FAM76A: variants seen among roughly 807,000 people sequenced by gnomAD.
FAM76A encodes protein FAM76A.
Under a neutral mutation model 46.2 loss-of-function variants are expected in FAM76A, and 32 were observed. That is an observed-to-expected ratio of 0.69 (90% CI 0.52 to 0.93). The LOEUF (loss-of-function observed/expected upper bound fraction) is 0.93, where lower values mean the gene tolerates loss of function less well. FAM76A is among the 40% of genes least tolerant of loss of function. The pLI, the probability that FAM76A is intolerant of heterozygous loss-of-function variation, is 0.00. For synonymous variants in FAM76A, 137 were observed against 127.0 expected (o/e 1.08, Z -0.53); for missense variants, 274 against 361.5 (o/e 0.76, Z 1.96).
At chr1:27,752,534 C>T (rs1294516552) in intron 6 of FAM76A, among the ~76,000 whole-genome samples, 1 of 152,200 alleles carries the variant, frequency 6.6e-6, no homozygotes, top group Non-Finnish European at 1.5e-5. Flanking sequence ...TGGTGGCACT[C>T]AGGCACAGCT....
At chr1:27,754,167 C>T (rs147570624) in intron 6 of FAM76A, among the ~76,000 whole-genome samples, 1,846 of 135,970 alleles carry the variant, frequency 0.014, 42 homozygotes, top group African/African-American at 0.049. Context: ...AGTGCAATGG[C>T]GCAATCTTGG....
chr1:27,762,730 G>C lies in FAM76A; in HGVS notation c.*2149G>C, dbSNP rs1410227885. 6.6e-6 allele frequency: 1 copy of C among 151,594 alleles called. No individual in the cohort carries two copies. Among genetic ancestry groups the C allele is most frequent in the African/African-American group, 2.4e-5 (1 of 41,304 alleles). 9.4% of individuals were successfully genotyped at this position (151,594 alleles called of 1,614,324 possible). On this transcript the variant is annotated 3_prime_UTR_variant, in exon 9 of 9. Coordinates refer to ENST00000373954, the MANE Select transcript of FAM76A (RefSeq NM_152660.3). ...TTTCAGATGCATTTGCATTGACTATGGGAGAAAAATTAGGGGGAAATGACA... is the reference window on the plus strand; with the variant it reads ...TTTCAGATGCATTTGCATTGACTATCGGAGAAAAATTAGGGGGAAATGACA...
In FAM76A at chr1:27,725,984, A is replaced by C. The variant is rs1571459328; in HGVS notation, c.-97A>C. On this transcript the variant is annotated 5_prime_UTR_variant, in exon 1 of 9. Coordinates refer to ENST00000373954, the MANE Select transcript of FAM76A (RefSeq NM_152660.3). ...CCGCCTGCGCCCGCCCGCCTGCCGC[A>C]GCCAGCAGCCTGCAGCCGCCGCCGG... The C allele has an allele frequency of 1.0e-6, 1 of 995,768 alleles. No homozygotes were observed. 61.7% of individuals were successfully genotyped at this position (995,768 alleles called of 1,614,324 possible). A position where few individuals can be genotyped will look rare whatever the true frequency, so the allele number is the denominator to read the frequency against.
At chr1:27,734,693 GA>G (rs763680065) in intron 4 of FAM76A, among the ~76,000 whole-genome samples, 25 of 152,190 alleles carry the variant, frequency 1.6e-4, no homozygotes, top group Non-Finnish European at 3.5e-4. Flanking sequence ...CATTTCACGA[GA>G]ATTGAATTAC....
Position 27,734,161 on chromosome 1 carries a change from A to G in FAM76A, c.332A>G (p.Asp111Gly). ...CEQCKQQCAFDRKDDRKKVDG... is the reference protein window; with the variant it reads ...CEQCKQQCAFGRKDDRKKVDG... ...CAGTGCAAGCAGCAGTGTGCATTTG[A>G]CAGGAAAGATGATAGAAAGAAGGTA... Residue 111 changes from aspartate (D) to glycine (G), a missense_variant, in exon 4 of 9, where the codon GAC (aspartate) becomes GGC (glycine). Physicochemically the swap from Asp to Gly is moderately conservative, Grantham distance 94. Transcript: ENST00000373954. The G allele has an allele frequency of 6.3e-7, 1 of 1,580,608 alleles. No individual in the cohort carries two copies.
In FAM76A at chr1:27,725,965, G is replaced by A. The variant is rs1172195841; in HGVS notation, c.-116G>A. ...CGCCCGGGTCCGCCCCGACCCGCCT[G>A]CGCCCGCCCGCCTGCCGCAGCCAGC... On this transcript the variant is annotated 5_prime_UTR_variant, in exon 1 of 9. Coordinates refer to ENST00000373954, the MANE Select transcript of FAM76A (RefSeq NM_152660.3). 5.3e-6 allele frequency: 4 copies of A among 756,572 alleles called. No homozygotes were observed. Among genetic ancestry groups the A allele is most frequent in the Non-Finnish European group, 7.1e-6 (4 of 562,510 alleles). 46.9% of individuals were successfully genotyped at this position (756,572 alleles called of 1,614,324 possible).
chr1:27,744,518 C>T, intron 4 of FAM76A, 136 bp from the exon 5 acceptor site: 2 of 805,974 alleles, frequency 2.5e-6, no homozygotes. Flanking sequence ...TGTAGCAGCC[C>T]CCTGTGACAT....
At chr1:27,733,139 T>TC (rs2087987699) in intron 3 of FAM76A, among the ~76,000 whole-genome samples, 2 of 151,726 alleles carry the variant, frequency 1.3e-5, no homozygotes, top group African/African-American at 4.8e-5. Flanking sequence ...ACCATGTTGG[T>TC]CAGGCTGGTC....
intron 5 of FAM76A, among the ~76,000 whole-genome samples, chr1:27,746,819 G>C (rs892668835): frequency 6.6e-6 from 1 of 152,110 alleles, no homozygotes; most frequent in African/African-American, 2.4e-5. Flanking sequence ...GCTTACACCC[G>C]TAAACCCAAC....
chr1:27,738,840 G>A (rs142726246), intron 4 of FAM76A, among the ~76,000 whole-genome samples: 68 of 152,298 alleles, frequency 4.5e-4, no homozygotes, highest in African/African-American at 1.5e-3. Context: ...CTCTGAGGAA[G>A]TAACATTTGA....
chr1:27,738,963 A>G (rs1400355095), intron 4 of FAM76A: 2 of 158,646 alleles, frequency 1.3e-5, no homozygotes, highest in Admixed American at 1.3e-4. Flanking sequence ...AGCTTGGCAC[A>G]TGATTAGAAC....
At chr1:27,738,541 C>T (rs1215358329) in intron 4 of FAM76A, among the ~76,000 whole-genome samples, 1 of 151,826 alleles carries the variant, frequency 6.6e-6, no homozygotes, top group Non-Finnish European at 1.5e-5. Context: ...ATCCCATAAC[C>T]GTGAAATGAA....
chr1:27,733,464 A>T (rs1365102041), intron 3 of FAM76A, among the ~76,000 whole-genome samples: 1 of 152,222 alleles, frequency 6.6e-6, no homozygotes, highest in African/African-American at 2.4e-5. Flanking sequence ...AAGTCTCTGC[A>T]TACATACTAA....
rs148996421 is a variant in FAM76A at position 27,741,917 on chromosome 1, A to C, written c.355-2737A>C. On this transcript the variant is annotated intron_variant, in intron 4 of 8. Transcript: ENST00000373954. ...AAAAAGAGAGAGGATGTAATCATTTACATTTAAGAAACCCTTTGGCGGCTA... is the reference window on the plus strand; with the variant it reads ...AAAAAGAGAGAGGATGTAATCATTTCCATTTAAGAAACCCTTTGGCGGCTA... Among the ~76,000 whole-genome samples, 247 of 151,712 alleles carry C rather than the reference A, an allele frequency of 1.6e-3. 2 individuals are homozygous for C. The highest frequency in any genetic ancestry group is 5.7e-3 in the African/African-American group (234 of 41,290).
intron 7 of FAM76A, among the ~76,000 whole-genome samples, chr1:27,758,022 C>T (rs981068884): frequency 6.6e-6 from 1 of 151,268 alleles, no homozygotes; most frequent in African/African-American, 2.4e-5. Flanking sequence ...ACAATCATTT[C>T]ATAGATGAAG....
Position 27,726,116 on chromosome 1 carries a change from G to C in FAM76A, c.36G>C (p.Gln12His). Residue 12 changes from glutamine to histidine, a missense_variant, in exon 1 of 9, where the codon CAG (glutamine) becomes CAC (histidine). By Grantham distance (24) the Gln-to-His change is conservative (BLOSUM62 0). Transcript: ENST00000373954. ...TCTACGCCTGCACCAAGTGCCACCA[G>C]CGCTTCCCCTTCGAGGCGCTGTCTC... Reference protein sequence around the residue: ...AALYACTKCHQRFPFEALSQG... With the variant: ...AALYACTKCHHRFPFEALSQG... 7.7e-7 allele frequency: 1 copy of C among 1,301,670 alleles called. No individual in the cohort carries two copies. The highest frequency in any genetic ancestry group is 2.3e-5 in the South Asian group (1 of 44,436). 80.6% of individuals were successfully genotyped at this position (1,301,670 alleles called of 1,614,324 possible).
chr1:27,743,893 A>G (rs1041397433), intron 4 of FAM76A, among the ~76,000 whole-genome samples: 9 of 152,076 alleles, frequency 5.9e-5, no homozygotes, highest in African/African-American at 1.4e-4. Flanking sequence ...GTGTACTACA[A>G]TCACACCACT....
At chr1:27,747,599 T>C (rs1209226407) in intron 5 of FAM76A, among the ~76,000 whole-genome samples, 1 of 152,114 alleles carries the variant, frequency 6.6e-6, no homozygotes, top group Non-Finnish European at 1.5e-5. Context: ...GAGATACCAG[T>C]AGGTTAACAC....
intron 4 of FAM76A, among the ~76,000 whole-genome samples, chr1:27,741,514 G>A (rs2088153038): frequency 6.6e-6 from 1 of 151,934 alleles, no homozygotes; most frequent in Non-Finnish European, 1.5e-5. Flanking sequence ...ACAGAAATGT[G>A]TCTTAATGCC....
Sources: gnomAD v4.1 joint callset for allele counts (sites outside exome capture counted in the v4.1 genomes callset) on GRCh38, gnomAD v4.1.1 for gene constraint, MANE v1.5 for transcripts, NCBI Gene and HGNC (gene_info 2026-07-23, HGNC 2026-07-21) for gene names.